COL22A1: variants seen among roughly 807,000 people sequenced by gnomAD.
The protein encoded by COL22A1 is collagen alpha-1(XXII) chain.
A neutral mutation model predicts 248.9 loss-of-function variants in COL22A1; 221 were observed. The ratio of observed to expected loss-of-function variants is 0.89; its 90% CI spans 0.80 to 0.99. The LOEUF is 0.99. Among genes scored for constraint, COL22A1 ranks in the 50% least tolerant of loss-of-function variants. The pLI, the probability that COL22A1 is intolerant of heterozygous loss-of-function variation, is 0.00. For missense variants in COL22A1, 2,240 were observed against 2,179.0 expected, an observed-to-expected ratio of 1.03 and a Z score of -0.56; for synonymous variants, 891 against 793.4, an observed-to-expected ratio of 1.12 and a Z score of -2.07.
intron 49 of COL22A1, among the ~76,000 whole-genome samples, chr8:138,631,669 C>T (rs1033047259): frequency 2.2e-5 from 3 of 136,486 alleles, no homozygotes; most frequent in Non-Finnish European, 3.1e-5. Flanking sequence ...TTTCTTCCCC[C>T]TACATTCTAG....
intron 1 of COL22A1, among the ~76,000 whole-genome samples, chr8:138,891,174 G>A (rs147223363): frequency 2.6e-5 from 4 of 152,290 alleles, no homozygotes; most frequent in East Asian, 1.9e-4. Flanking sequence ...TGAAAACTAC[G>A]AAACACTAGT....
chr8:138,829,511 C>A (rs558667669), intron 5 of COL22A1, among the ~76,000 whole-genome samples: 3 of 148,234 alleles, frequency 2.0e-5, no homozygotes, highest in South Asian at 2.2e-4. Context: ...TCAACCAATT[C>A]TCCTGCCTCA....
intron 43 of COL22A1, among the ~76,000 whole-genome samples, chr8:138,661,647 T>C (rs1358657729): frequency 6.6e-6 from 1 of 152,118 alleles, no homozygotes; most frequent in Non-Finnish European, 1.5e-5. Context: ...ATCTGCGGAA[T>C]TCCATGGAAA....
intron 23 of COL22A1, among the ~76,000 whole-genome samples, chr8:138,727,815 C>T (rs571012425): frequency 4.9e-4 from 75 of 152,164 alleles, no homozygotes; most frequent in African/African-American, 1.7e-3. Flanking sequence ...CTGCAGGGTG[C>T]CCTGGGCAGG....
Position 138,773,103 on chromosome 8 carries a change from TTCAGATTAGTGCTG to T in COL22A1, c.1803+2849_1803+2862del, listed in dbSNP as rs571003618. ...CAAACAAAAAACATTCTTTTTGCAC[TTCAGATTAGTGCTG>T]TGTGACTTACACCCACTTTCCTGGA... On this transcript the variant is annotated intron_variant, in intron 16 of 64. Coordinates refer to ENST00000303045, the MANE Select transcript of COL22A1 (RefSeq NM_152888.3). Among the ~76,000 whole-genome samples, 3 of 152,322 alleles carry T rather than the reference TTCAGATTAGTGCTG, an allele frequency of 2.0e-5. No homozygotes were observed. The East Asian group carries it at 5.8e-4, about 29-fold the overall frequency.
chr8:138,877,347 C>T (rs1253429525), intron 3 of COL22A1, among the ~76,000 whole-genome samples: 2 of 152,338 alleles, frequency 1.3e-5, no homozygotes, highest in Non-Finnish European at 2.9e-5. Context: ...TCAGGCCAGA[C>T]TTTGCATGCA....
At chr8:138,842,000 T>C (rs1240187623) in intron 4 of COL22A1, among the ~76,000 whole-genome samples, 1 of 152,180 alleles carries the variant, frequency 6.6e-6, no homozygotes, top group African/African-American at 2.4e-5. Context: ...TTTCAGTTCT[T>C]CACTCTGTTG....
At chr8:138,830,894 C>T (rs1380602550) in intron 5 of COL22A1, among the ~76,000 whole-genome samples, 1 of 151,924 alleles carries the variant, frequency 6.6e-6, no homozygotes, top group Non-Finnish European at 1.5e-5. Flanking sequence ...CATCCCTGTG[C>T]ACCCCCCACA....
chr8:138,645,745 T>C (rs1337300483), intron 47 of COL22A1, among the ~76,000 whole-genome samples: 1 of 152,190 alleles, frequency 6.6e-6, no homozygotes, highest in African/African-American at 2.4e-5. Flanking sequence ...ACTTCTGAGC[T>C]TTCTCTCCTA....
intron 22 of COL22A1, among the ~76,000 whole-genome samples, chr8:138,743,166 T>C (rs187286352): frequency 2.0e-5 from 3 of 149,866 alleles, no homozygotes; most frequent in African/African-American, 5.0e-5. Context: ...GTGGTAGTGA[T>C]CACGATGGTG....
intron 32 of COL22A1, among the ~76,000 whole-genome samples, chr8:138,695,700 C>T (rs948269910): frequency 6.6e-6 from 1 of 152,118 alleles, no homozygotes; most frequent in Non-Finnish European, 1.5e-5. Flanking sequence ...CAAGATGGGG[C>T]AGGCTCACTT....
chr8:138,693,689 C>G lies in COL22A1; in HGVS notation c.2711G>C (p.Gly904Ala), dbSNP rs779739929. 4.4e-6 allele frequency: 7 copies of G among 1,576,078 alleles called. 1 individual carries two copies. The highest frequency in any genetic ancestry group is 6.0e-6 in the Non-Finnish European group (7 of 1,160,378). ...AGGAGCCCCATGTGCACCTTCCTGT[C>G]CCTTGGCACCCTGCACAGGAAATAA... ...QGPTGPPGAK[G>A]QEGAHGAPGA... is the part of the protein sequence containing the mutation. Residue 904 changes from glycine to alanine, a missense_variant, in exon 35 of 65, where the codon GGA becomes GCA. Transcript: ENST00000303045.
intron 1 of COL22A1, among the ~76,000 whole-genome samples, chr8:138,895,716 G>A (rs1432359066): frequency 6.6e-6 from 1 of 152,052 alleles, no homozygotes; most frequent in Non-Finnish European, 1.5e-5. Flanking sequence ...AGCAATCCAG[G>A]GAGAGAAGAA....
chr8:138,641,266 G>A (rs1821667845), intron 47 of COL22A1, among the ~76,000 whole-genome samples: 1 of 152,184 alleles, frequency 6.6e-6, no homozygotes, highest in Non-Finnish European at 1.5e-5. Context: ...TATTATCTCT[G>A]CCTCCTCGGA....
chr8:138,903,206 T>C (rs1045895259), intron 1 of COL22A1, among the ~76,000 whole-genome samples: 3 of 152,156 alleles, frequency 2.0e-5, no homozygotes, highest in Non-Finnish European at 4.4e-5. Flanking sequence ...GCTGAGTCAG[T>C]GTCCCTTTCA....
chr8:138,601,657 A>G (rs1417400319), intron 60 of COL22A1, among the ~76,000 whole-genome samples: 1 of 152,212 alleles, frequency 6.6e-6, no homozygotes, highest in African/African-American at 2.4e-5. Context: ...AAATGTAAAG[A>G]AAGGCTTTCT....
intron 62 of COL22A1, among the ~76,000 whole-genome samples, chr8:138,595,434 G>A (rs1246682670): frequency 1.3e-5 from 2 of 151,932 alleles, no homozygotes; most frequent in African/African-American, 2.4e-5. Flanking sequence ...AAAAGCAAAG[G>A]TTATTTCTGT....
At chr8:138,600,628 C>T (rs886248531) in intron 60 of COL22A1, among the ~76,000 whole-genome samples, 1 of 152,180 alleles carries the variant, frequency 6.6e-6, no homozygotes, top group African/African-American at 2.4e-5. Flanking sequence ...ATGGAAGGGG[C>T]ACAAAGTTTT....
chr8:138,788,327 A>G (rs1472395313), intron 12 of COL22A1, among the ~76,000 whole-genome samples: 1 of 152,194 alleles, frequency 6.6e-6, no homozygotes, highest in Non-Finnish European at 1.5e-5. Flanking sequence ...CATGAACTCA[A>G]ATCCTGGCTC....
Sources: allele counts gnomAD v4.1 joint callset (sites outside exome capture counted in the v4.1 genomes callset), GRCh38; gene constraint gnomAD v4.1.1; transcripts MANE v1.5; gene names NCBI Gene and HGNC (gene_info 2026-07-23, HGNC 2026-07-21).